Variants in DACH2 observed in about 807,000 individuals in gnomAD.
DACH2 encodes the protein dachshund homolog 2.
Under a neutral mutation model 35.8 loss-of-function variants are expected in DACH2, and 17 were observed. The observed-to-expected ratio is 0.48, with a 90% CI of 0.33 to 0.71. The LOEUF (loss-of-function observed/expected upper bound fraction) is 0.71, where lower values mean the gene tolerates loss of function less well. Ranked by LOEUF, DACH2 falls within the 30% of genes least tolerant of loss-of-function variation. The probability of loss-of-function intolerance (pLI) is 0.02; values close to 1 mark genes in which losing one functional copy is unlikely to be tolerated. For missense variants in DACH2, 469 were observed against 472.7 expected (o/e 0.99, Z 0.07); for synonymous variants, 195 against 177.3 (o/e 1.10, Z -0.79).
intron 1 of DACH2, among the ~76,000 whole-genome samples, chrX:86,286,151 C>T (rs1378977680): frequency 3.8e-5 from 2 of 52,056 alleles, no homozygotes; most frequent in African/African-American, 1.4e-4. Flanking sequence ...AGACGGATCT[C>T]GCTCTGTCGC....
intron 3 of DACH2, among the ~76,000 whole-genome samples, chrX:86,617,124 C>G (rs1363688750): frequency 9.0e-6 from 1 of 111,224 alleles, no homozygotes; most frequent in African/African-American, 3.3e-5. Context: ...GTTTGTGTGT[C>G]TATTTTTTGT....
chrX:86,184,807 C>T (rs2147886422), intron 1 of DACH2, among the ~76,000 whole-genome samples: 1 of 111,759 alleles, frequency 8.9e-6, no homozygotes, highest in Non-Finnish European at 1.9e-5. Flanking sequence ...AATCTGAGGG[C>T]TACCGGACAC....
intron 2 of DACH2, among the ~76,000 whole-genome samples, chrX:86,494,846 G>A (rs2038144071): frequency 8.9e-6 from 1 of 111,903 alleles, no homozygotes; most frequent in Admixed American, 9.5e-5. Flanking sequence ...TATTCAAAAT[G>A]GGCATTGCCC....
Position 86,665,652 on chromosome X carries a change from T to C in DACH2, c.772+14485T>C, listed in dbSNP as rs748798117. 6.3e-5 allele frequency among the ~76,000 whole-genome samples: 7 copies of C among 111,952 alleles called. No homozygotes were observed. In the East Asian group the frequency reaches 2.0e-3, roughly 31 times the overall value. ...ATCACAACCAGCCAATCACGATTAATGGCATAGAATTAGAAAGTAATATTT... is the reference window on the plus strand; with the variant it reads ...ATCACAACCAGCCAATCACGATTAACGGCATAGAATTAGAAAGTAATATTT... On this transcript the variant is annotated intron_variant, in intron 4 of 11. Transcript: ENST00000373125.
intron 1 of DACH2, among the ~76,000 whole-genome samples, chrX:86,228,311 T>A (rs754479426): frequency 1.2e-4 from 13 of 111,073 alleles, no homozygotes; most frequent in Non-Finnish European, 2.3e-4. Flanking sequence ...TACATATATA[T>A]CAGAGTTTCT....
intron 3 of DACH2, among the ~76,000 whole-genome samples, chrX:86,639,312 T>G (rs2040316408): frequency 1.8e-5 from 2 of 111,105 alleles, no homozygotes; most frequent in Admixed American, 1.9e-4. Context: ...AAACCACACT[T>G]CTCCCATAGA....
chrX:86,423,622 C>CATTG (rs1273089003), intron 2 of DACH2, among the ~76,000 whole-genome samples: 1 of 109,052 alleles, frequency 9.2e-6, no homozygotes, highest in East Asian at 2.9e-4. Flanking sequence ...GTTGTGTCTT[C>CATTG]ATTGATTGTT....
chrX:86,472,766 G>T (rs2037780805), intron 2 of DACH2, among the ~76,000 whole-genome samples: 1 of 111,575 alleles, frequency 9.0e-6, no homozygotes, highest in African/African-American at 3.2e-5. Context: ...GATTTAATAG[G>T]GTTTATAAGT....
chrX:86,419,316 G>A (rs923222541), intron 2 of DACH2, among the ~76,000 whole-genome samples: 4 of 111,725 alleles, frequency 3.6e-5, no homozygotes, highest in Admixed American at 9.5e-5. Flanking sequence ...AGACATACCC[G>A]AGACTGGGAT....
intron 1 of DACH2, among the ~76,000 whole-genome samples, chrX:86,206,917 A>T (rs987429081): frequency 8.9e-6 from 1 of 111,939 alleles, no homozygotes; most frequent in African/African-American, 3.2e-5. Flanking sequence ...AAGTTGCATA[A>T]TTGGGTAAGC....
chrX:86,718,813 C>T (rs1019169760), intron 6 of DACH2, among the ~76,000 whole-genome samples: 1 of 111,357 alleles, frequency 9.0e-6, no homozygotes, highest in Non-Finnish European at 1.9e-5. Context: ...TTTCTGTGTT[C>T]CCTGTTTTGT....
At chrX:86,229,915 A>C (rs758379159) in intron 1 of DACH2, among the ~76,000 whole-genome samples, 1 of 110,881 alleles carries the variant, frequency 9.0e-6, no homozygotes, top group East Asian at 2.9e-4. Flanking sequence ...GTCAGCAAAG[A>C]GGGTCAGTTT....
At chrX:86,696,911 T>C (rs1280520716) in intron 5 of DACH2, among the ~76,000 whole-genome samples, 1 of 111,893 alleles carries the variant, frequency 8.9e-6, no homozygotes, top group Admixed American at 9.5e-5. Context: ...CATAGTGCTC[T>C]GTTCTCCTGA....
chrX:86,498,523 C>A (rs1303306716), intron 2 of DACH2, among the ~76,000 whole-genome samples: 1 of 112,215 alleles, frequency 8.9e-6, no homozygotes, highest in Non-Finnish European at 1.9e-5. Context: ...CATTCTGTTT[C>A]TGCACATCAT....
intron 4 of DACH2, among the ~76,000 whole-genome samples, chrX:86,675,582 G>T (rs1198972411): frequency 1.8e-5 from 2 of 110,943 alleles, no homozygotes; most frequent in Admixed American, 1.9e-4. Flanking sequence ...TTCTCGGGAG[G>T]CTGACATAGA....
At chrX:86,569,892 CA>C (rs1469135759) in intron 3 of DACH2, among the ~76,000 whole-genome samples, 1 of 111,198 alleles carries the variant, frequency 9.0e-6, no homozygotes, top group Non-Finnish European at 1.9e-5. Flanking sequence ...AACATATTTA[CA>C]AAAAGAAACC....
At chrX:86,573,949 G>A (rs2039404232) in intron 3 of DACH2, among the ~76,000 whole-genome samples, 1 of 111,335 alleles carries the variant, frequency 9.0e-6, no homozygotes, top group Admixed American at 9.6e-5. Flanking sequence ...CCTCGTTAAA[G>A]AAAAAAATTC....
intron 2 of DACH2, among the ~76,000 whole-genome samples, chrX:86,493,262 T>C (rs1168557819): frequency 1.8e-5 from 2 of 111,896 alleles, no homozygotes; most frequent in Non-Finnish European, 3.8e-5. Context: ...AAACCCTAAA[T>C]GAATCATGAA....
chrX:86,416,731 G>A (rs952631461), intron 2 of DACH2, among the ~76,000 whole-genome samples: 1 of 110,863 alleles, frequency 9.0e-6, no homozygotes, highest in African/African-American at 3.3e-5. Flanking sequence ...GAAGGCAAAG[G>A]GGAGCAGACA....
Sources: gnomAD v4.1 joint callset for allele counts (sites outside exome capture counted in the v4.1 genomes callset) on GRCh38, gnomAD v4.1.1 for gene constraint, MANE v1.5 for transcripts, NCBI Gene and HGNC (gene_info 2026-07-23, HGNC 2026-07-21) for gene names.